The following ALKBH3 variants were observed in gnomAD, a reference collection of about 807,000 sequenced individuals.
ALKBH3 encodes the protein alpha-ketoglutarate-dependent dioxygenase alkB homolog 3.
A neutral mutation model predicts 43.9 loss-of-function variants in ALKBH3; 51 were observed. The ratio of observed to expected loss-of-function variants is 1.16; its 90% CI spans 0.93 to 1.47. The LOEUF is 1.47. Ranked by LOEUF, ALKBH3 falls within the 40% of genes most tolerant of loss-of-function variation. The pLI is 0.00. For synonymous variants in ALKBH3, 102 were observed against 115.2 expected (o/e 0.89, Z 0.73); for missense variants, 361 against 351.9 (o/e 1.03, Z -0.21).
At chr11:43,913,206 A>G (rs1485202914) in intron 8 of ALKBH3, among the ~76,000 whole-genome samples, 2 of 149,702 alleles carry the variant, frequency 1.3e-5, no homozygotes, top group African/African-American at 2.5e-5. Flanking sequence ...ATTTTTTTTT[A>G]ATTTTTGTTT....
chr11:43,898,236 C>T (rs2460131), intron 7 of ALKBH3: 2 of 900,818 alleles, frequency 2.2e-6, no homozygotes, highest in South Asian at 1.4e-5. Flanking sequence ...TCCAGGAGAC[C>T]CACAAGGGTG....
intron 7 of ALKBH3, chr11:43,897,797 T>G (rs1157734043): frequency 1.2e-6 from 1 of 829,558 alleles, no homozygotes; most frequent in Non-Finnish European, 2.2e-6. Context: ...AAAATGAAGA[T>G]TGGACCCGTT....
chr11:43,919,400 T>TG (rs1952009566), intron 9 of ALKBH3, among the ~76,000 whole-genome samples: 1 of 152,260 alleles, frequency 6.6e-6, no homozygotes, highest in Non-Finnish European at 1.5e-5. Context: ...TATGACTGAC[T>TG]TCTTAAAATG....
intron 3 of ALKBH3, 137 bp downstream of exon 3, chr11:43,883,325 T>C: frequency 1.6e-6 from 1 of 622,962 alleles, no homozygotes; most frequent in Non-Finnish European, 2.7e-6. Context: ...AATAATGAAA[T>C]GAGAAATATT....
rs148441888 is a variant in ALKBH3 at position 43,896,726 on chromosome 11, A to T, written c.459+4597A>T. On this transcript the variant is annotated intron_variant, in intron 7 of 9. Transcript: ENST00000302708. Reference sequence around the variant, plus strand: ...TGAGCCTGACTTCTTCCCATTATTTAGGCTTTTCTGCTGAGATCAGTGGTA... The same window carrying T: ...TGAGCCTGACTTCTTCCCATTATTTTGGCTTTTCTGCTGAGATCAGTGGTA... 1.2e-3 allele frequency among the ~76,000 whole-genome samples: 185 copies of T among 151,150 alleles called. 1 individual carries two copies. The highest frequency in any genetic ancestry group is 4.1e-3 in the African/African-American group (168 of 41,414).
At chr11:43,901,435 T>A in intron 7 of ALKBH3, 81 bp from the exon 8 acceptor site, 1 of 1,554,122 alleles carries the variant, frequency 6.4e-7, no homozygotes, top group Non-Finnish European at 8.8e-7. Flanking sequence ...GATTTTGCCC[T>A]TTCTTTTCTG....
intron 5 of ALKBH3, among the ~76,000 whole-genome samples, chr11:43,889,245 G>T (rs547005917): frequency 6.6e-6 from 1 of 152,150 alleles, no homozygotes; most frequent in African/African-American, 2.4e-5. Flanking sequence ...GGCTGGTCTC[G>T]AACTCCTGAC....
chr11:43,891,836 T>C (rs7116503), intron 6 of ALKBH3, among the ~76,000 whole-genome samples: 127,308 of 152,162 alleles, frequency 0.84, 54,116 homozygotes, highest in East Asian at 0.98. Flanking sequence ...TTTGCCCATG[T>C]GGTGTCTGCC....
rs1364615968 is a variant in ALKBH3 at position 43,920,213 on chromosome 11, C to T, written c.*203C>T. 5.5e-6 allele frequency: 3 copies of T among 541,880 alleles called. No homozygotes were observed. The African/African-American group carries it at 5.7e-5, about 10-fold the overall frequency. The allele number at this position is 541,880 out of a possible 1,614,324, so 33.6% of individuals were successfully genotyped here. On this transcript the variant is annotated 3_prime_UTR_variant, in exon 10 of 10. Coordinates refer to ENST00000302708, the MANE Select transcript of ALKBH3 (RefSeq NM_139178.4). ...CTACTGTGGGAACAGTTATCCCTAA[C>T]CACAGCTCAAAATCGCTATCATCTT...
chr11:43,905,747 A>G (rs534631592), intron 8 of ALKBH3, among the ~76,000 whole-genome samples: 1 of 152,274 alleles, frequency 6.6e-6, no homozygotes, highest in South Asian at 2.1e-4. Flanking sequence ...GGCATTATTA[A>G]AGGTTTTCTA....
intron 8 of ALKBH3, chr11:43,918,832 C>T: frequency 1.9e-6 from 1 of 528,524 alleles, no homozygotes; most frequent in Non-Finnish European, 3.3e-6. Flanking sequence ...CACTGTCATC[C>T]TCCCCATTTT....
chr11:43,893,237 G>A (rs1224824078), intron 7 of ALKBH3, among the ~76,000 whole-genome samples: 4 of 152,104 alleles, frequency 2.6e-5, no homozygotes, highest in Non-Finnish European at 5.9e-5. Context: ...TTTCTTGTGG[G>A]TCTATCCCTT....
At chr11:43,886,413 A>C (rs1402060959) in intron 4 of ALKBH3, among the ~76,000 whole-genome samples, 193 bp from the exon 5 acceptor site, 1 of 152,198 alleles carries the variant, frequency 6.6e-6, no homozygotes, top group Non-Finnish European at 1.5e-5. Context: ...ATACTGTCAC[A>C]GTTCCATTCC....
intron 7 of ALKBH3, chr11:43,897,086 C>T (rs1295945331): frequency 2.4e-5 from 9 of 369,850 alleles, no homozygotes; most frequent in East Asian, 7.3e-5. Context: ...GGACAACAAA[C>T]GTGCCACTGT....
At position 43,888,067 on chromosome 11, in the gene ALKBH3, G is replaced by T. The variant is rs1417523774; in HGVS notation, c.266+1414G>T. 5.4e-5 allele frequency among the ~76,000 whole-genome samples: 8 copies of T among 148,904 alleles called. 3 individuals are homozygous for T. Among genetic ancestry groups the T allele is most frequent in the Non-Finnish European group, 1.2e-4 (8 of 67,022 alleles). On this transcript the variant is annotated intron_variant, in intron 5 of 9. Coordinates refer to ENST00000302708, the MANE Select transcript of ALKBH3 (RefSeq NM_139178.4). ...CTGCCTTGGCCTCCCAAAGTGCTGG[G>T]ATTACAGGCATGAGCCACTGCGCCT...
intron 8 of ALKBH3, among the ~76,000 whole-genome samples, chr11:43,914,149 G>A (rs1951963760): frequency 6.6e-6 from 1 of 152,180 alleles, no homozygotes; most frequent in Non-Finnish European, 1.5e-5. Flanking sequence ...GAAATATTAG[G>A]ATTTCAGAAG....
In ALKBH3 at chr11:43,882,659, G is replaced by GA. The variant is rs777430638; in HGVS notation, c.13dup (p.Arg5LysfsTer15). On this transcript the variant is annotated frameshift_variant, in exon 2 of 10. Transcript: ENST00000302708. LOFTEE classifies it high-confidence loss of function. ...AGAAGCCTTTTTGGTCAACATGGAG[G>GA]AAAAAAGACGGCGAGCCCGAGTTCA... The GA allele has an allele frequency of 1.1e-5, 17 of 1,613,030 alleles. No homozygotes were observed. The South Asian group carries it at 1.5e-4, about 15-fold the overall frequency.
chr11:43,899,582 A>C (rs1330357798), intron 7 of ALKBH3: 3 of 619,242 alleles, frequency 4.8e-6, no homozygotes, highest in Middle Eastern at 4.9e-4. Context: ...ACCTGCACCT[A>C]GTGTGCAGAG....
chr11:43,897,622 A>G, intron 7 of ALKBH3: 1 of 883,726 alleles, frequency 1.1e-6, no homozygotes, highest in Admixed American at 1.7e-5. Flanking sequence ...CATGTCATTG[A>G]AAGGCGCTGC....
Sources: allele counts gnomAD v4.1 joint callset (sites outside exome capture counted in the v4.1 genomes callset), GRCh38; gene constraint gnomAD v4.1.1; transcripts MANE v1.5; gene names NCBI Gene and HGNC (gene_info 2026-07-23, HGNC 2026-07-21).